Variants in C8orf74 observed in about 807,000 individuals in gnomAD.
The protein encoded by C8orf74 is chromosome 8 open reading frame 74, also known as uncharacterized protein C8orf74.
A neutral mutation model predicts 22.2 loss-of-function variants in C8orf74; 29 were observed. The observed-to-expected ratio is 1.31, with a 90% CI of 0.97 to 1.78. The LOEUF is 1.78. C8orf74 is among the 40% of genes most tolerant of loss of function. The pLI, the probability that C8orf74 is intolerant of heterozygous loss-of-function variation, is 0.00. For missense variants in C8orf74, 515 were observed against 369.9 expected, an observed-to-expected ratio of 1.39 and a Z score of -3.22; for synonymous variants, 255 against 163.1, an observed-to-expected ratio of 1.56 and a Z score of -4.30.
At chr8:10,696,602 T>C (rs1799506949) in intron 2 of C8orf74, among the ~76,000 whole-genome samples, 1 of 151,826 alleles carries the variant, frequency 6.6e-6, no homozygotes. Context: ...CACCTGCCAC[T>C]ACACTCAGCT....
intron 2 of C8orf74, among the ~76,000 whole-genome samples, chr8:10,685,323 T>C (rs1799239489): frequency 6.6e-6 from 1 of 152,130 alleles, no homozygotes; most frequent in Non-Finnish European, 1.5e-5. Context: ...AAGTGGAGAC[T>C]TGGGGAGGTG....
chr8:10,676,613 C>A (rs745639459), intron 2 of C8orf74, among the ~76,000 whole-genome samples: 1 of 152,184 alleles, frequency 6.6e-6, no homozygotes, highest in African/African-American at 2.4e-5. Flanking sequence ...CTCCTGCCAG[C>A]CTGCGTTCCC....
chr8:10,673,685 C>T (rs1454811366), intron 1 of C8orf74: 1 of 153,896 alleles, frequency 6.5e-6, no homozygotes, highest in Non-Finnish European at 1.5e-5. Flanking sequence ...GAAAGAAAGT[C>T]CTAGAAGAAG....
chr8:10,699,378 T>C (rs569306550), intron 3 of C8orf74, among the ~76,000 whole-genome samples: 1 of 152,354 alleles, frequency 6.6e-6, no homozygotes, highest in East Asian at 1.9e-4. Context: ...CCCAATAATG[T>C]TGTTTTCTAC....
At chr8:10,693,604 G>A (rs564630239) in intron 2 of C8orf74, among the ~76,000 whole-genome samples, 1 of 152,342 alleles carries the variant, frequency 6.6e-6, no homozygotes, top group East Asian at 1.9e-4. Flanking sequence ...GAATACACAG[G>A]TGGCCATCAT....
chr8:10,689,641 C>G (rs1799332527), intron 2 of C8orf74: 1 of 152,186 alleles, frequency 6.6e-6, no homozygotes, highest in Non-Finnish European at 1.5e-5. Context: ...TTTACTTACT[C>G]ATAGCCTACC....
In C8orf74 at chr8:10,700,187, C is replaced by T. The variant is rs563141070; in HGVS notation, c.649-48C>T. The T allele has an allele frequency of 3.1e-5, 39 of 1,264,050 alleles. No homozygotes were observed. The African/African-American group carries it at 4.4e-4, about 14-fold the overall frequency. The allele number at this position is 1,264,050 out of a possible 1,614,324, so 78.3% of individuals were successfully genotyped here. On this transcript the variant is annotated intron_variant, in intron 3 of 3. Transcript: ENST00000304519. ...CAGGGGCTGAGTTGAGAACTGGATC[C>T]GGCGAGGCTCCCCAGCCCTGCTCAT...
At chr8:10,684,048 G>C (rs771781900) in intron 2 of C8orf74, among the ~76,000 whole-genome samples, 4 of 152,274 alleles carry the variant, frequency 2.6e-5, no homozygotes, top group South Asian at 2.1e-4. Context: ...CAGGAGCCCC[G>C]TGCTTCCAGG....
chr8:10,688,300 C>A (rs1028772501), intron 2 of C8orf74: 1 of 152,122 alleles, frequency 6.6e-6, no homozygotes, highest in East Asian at 1.9e-4. Flanking sequence ...CTACTGACTT[C>A]TAACATCATA....
At chr8:10,689,258 G>A (rs1799324675) in intron 2 of C8orf74, 2 of 152,340 alleles carry the variant, frequency 1.3e-5, no homozygotes, top group South Asian at 2.1e-4. Context: ...CTTTAGGCAA[G>A]TCTCATCCTT....
At chr8:10,677,246 T>G (rs1284031861) in intron 2 of C8orf74, among the ~76,000 whole-genome samples, 1 of 152,172 alleles carries the variant, frequency 6.6e-6, no homozygotes, top group Non-Finnish European at 1.5e-5. Context: ...AGCCTACAGC[T>G]GCCTTCCGCC....
chr8:10,693,674 C>T (rs190706643), intron 2 of C8orf74, among the ~76,000 whole-genome samples: 3 of 152,290 alleles, frequency 2.0e-5, no homozygotes, highest in African/African-American at 4.8e-5. Context: ...TCATGTCAGA[C>T]GTCAGCGTCT....
chr8:10,698,045 C>T (rs1334528526), intron 3 of C8orf74, 40 bp downstream of exon 3: 9 of 1,437,832 alleles, frequency 6.3e-6, no homozygotes, highest in East Asian at 2.5e-5. Context: ...GCACCTGGGC[C>T]TGCAGAGACA....
In C8orf74 at chr8:10,685,098, A is replaced by AT. The variant is rs554402544; in HGVS notation, c.241+10265dup. On this transcript the variant is annotated intron_variant, in intron 2 of 3. Transcript: ENST00000304519. The stretch of plus-strand genomic sequence containing the variant: ...ACTTATGAACTATTTATTTCCGGAG[A>AT]TTTTTACTTAATCTTTTTGGACTAC... Among the ~76,000 whole-genome samples, 12 of 152,300 alleles carry AT rather than the reference A, an allele frequency of 7.9e-5. No individual in the cohort carries two copies. The South Asian group carries it at 2.5e-3, about 32-fold the overall frequency.
At chr8:10,684,542 T>G (rs1246985503) in intron 2 of C8orf74, among the ~76,000 whole-genome samples, 1 of 152,198 alleles carries the variant, frequency 6.6e-6, no homozygotes, top group Non-Finnish European at 1.5e-5. Context: ...AGTGTTTGAG[T>G]AGATTTTCCC....
At chr8:10,685,538 G>T (rs1472268021) in intron 2 of C8orf74, among the ~76,000 whole-genome samples, 1 of 152,198 alleles carries the variant, frequency 6.6e-6, no homozygotes, top group African/African-American at 2.4e-5. Context: ...AAATAATCTA[G>T]ATGCAAAAGA....
At chr8:10,694,888 A>G (rs1045950270) in intron 2 of C8orf74, among the ~76,000 whole-genome samples, 2 of 152,060 alleles carry the variant, frequency 1.3e-5, no homozygotes. Context: ...GAATGGATGG[A>G]AGAATGGATG....
At chr8:10,698,734 C>A (rs958856099) in intron 3 of C8orf74, among the ~76,000 whole-genome samples, 1 of 152,142 alleles carries the variant, frequency 6.6e-6, no homozygotes, top group African/African-American at 2.4e-5. Context: ...TCTGAACATA[C>A]TTTGAGAGAC....
At position 10,694,464 on chromosome 8, in the gene C8orf74, G is replaced by A. The variant is rs548304742; in HGVS notation, c.242-3135G>A. On this transcript the variant is annotated intron_variant, in intron 2 of 3. Transcript: ENST00000304519. ...ATTTTGAAGGCTTCAATATTTAAAG[G>A]GGAAAGTGGGCTGGAGGGGAAAGAA... 9.2e-5 allele frequency among the ~76,000 whole-genome samples: 14 copies of A among 152,180 alleles called. 1 individual carries two copies. Among genetic ancestry groups the A allele is most frequent in the African/African-American group, 3.4e-4 (14 of 41,528 alleles).
Sources: gnomAD v4.1 joint callset for allele counts (sites outside exome capture counted in the v4.1 genomes callset) on GRCh38, gnomAD v4.1.1 for gene constraint, MANE v1.5 for transcripts, NCBI Gene and HGNC (gene_info 2026-07-23, HGNC 2026-07-21) for gene names.